The following NPSR1 variants were observed in gnomAD, a reference collection of about 807,000 sequenced individuals.
The protein encoded by NPSR1 is neuropeptide S receptor 1.
In NPSR1, 48 loss-of-function variants were observed where a neutral mutation model predicts 46.9. The ratio of observed to expected loss-of-function variants is 1.02; its 90% CI spans 0.81 to 1.30. The LOEUF (loss-of-function observed/expected upper bound fraction) is 1.30. Ranked by LOEUF, NPSR1 falls within the 50% of genes most tolerant of loss-of-function variation. NPSR1 has a pLI of 0.00. For missense variants in NPSR1, 450 were observed against 449.5 expected (o/e 1.00, Z -0.01); for synonymous variants, 176 against 168.1 (o/e 1.05, Z -0.36).
chr7:34,814,775 G>T (rs1215953826), intron 4 of NPSR1, among the ~76,000 whole-genome samples: 1 of 152,172 alleles, frequency 6.6e-6, no homozygotes, highest in East Asian at 1.9e-4. Context: ...AGGCAAACAG[G>T]GTCTGGAGTG....
chr7:34,798,788 C>T (rs1236767084), intron 3 of NPSR1, among the ~76,000 whole-genome samples: 3 of 152,012 alleles, frequency 2.0e-5, no homozygotes, highest in Admixed American at 6.6e-5. Context: ...TCAGAACACA[C>T]AGAATAGAAC....
At chr7:34,851,729 A>G (rs138491726), downstream of NPSR1, among the ~76,000 whole-genome samples, 181 of 152,338 alleles carry the variant, frequency 1.2e-3, no homozygotes, top group Non-Finnish European at 2.3e-3. Context: ...AAAATACATT[A>G]CATGCCTACC....
At chr7:34,742,095 A>G (rs974772394) in intron 2 of NPSR1, among the ~76,000 whole-genome samples, 1 of 151,746 alleles carries the variant, frequency 6.6e-6, no homozygotes, top group Non-Finnish European at 1.5e-5. Context: ...GCAGTTAGGA[A>G]CCATAAGTTT....
At chr7:34,768,810 G>C (rs1346252787) in intron 2 of NPSR1, among the ~76,000 whole-genome samples, 4 of 152,126 alleles carry the variant, frequency 2.6e-5, no homozygotes, top group Non-Finnish European at 5.9e-5. Flanking sequence ...AGAATACAGA[G>C]AGGATTCAAA....
chr7:34,744,313 A>G (rs1442270334), intron 2 of NPSR1, among the ~76,000 whole-genome samples: 1 of 152,124 alleles, frequency 6.6e-6, no homozygotes, highest in East Asian at 1.9e-4. Flanking sequence ...TTTGTCTGGT[A>G]TACCATTTTA....
Position 34,674,644 on chromosome 7 carries a change from G to A in NPSR1, c.148-9908G>A, listed in dbSNP as rs530875462. 2.8e-4 allele frequency among the ~76,000 whole-genome samples: 42 copies of A among 152,266 alleles called. 1 individual carries two copies. Among genetic ancestry groups the A allele is most frequent in the Admixed American group, 5.2e-4 (8 of 15,292 alleles). On this transcript the variant is annotated intron_variant, in intron 1 of 8. Transcript: ENST00000360581. ...GATATTTGCTCCTTCCTGTGTTAGA[G>A]ATATTCATCTTCAACATCACATACA...
chr7:34,766,517 A>G (rs945783410), intron 2 of NPSR1, among the ~76,000 whole-genome samples: 3 of 152,252 alleles, frequency 2.0e-5, no homozygotes, highest in Admixed American at 2.0e-4. Context: ...CTATTCGGCA[A>G]TAAGAACAAA....
chr7:34,712,187 A>G (rs1440147299), intron 2 of NPSR1, among the ~76,000 whole-genome samples: 1 of 152,224 alleles, frequency 6.6e-6, no homozygotes, highest in Non-Finnish European at 1.5e-5. Context: ...TAGTTTTTAT[A>G]CAATTGCTTT....
chr7:34,726,268 A>T (rs1784146807), intron 2 of NPSR1, among the ~76,000 whole-genome samples: 4 of 152,230 alleles, frequency 2.6e-5, no homozygotes, highest in Admixed American at 2.6e-4. Flanking sequence ...GATGCTCCAC[A>T]TCATATGTCA....
chr7:34,811,655 C>G lies in NPSR1; in HGVS notation c.385-115C>G. 9.1e-6 allele frequency: 6 copies of G among 660,416 alleles called. 1 individual carries two copies. The South Asian group carries it at 1.2e-4, about 14-fold the overall frequency. 40.9% of individuals were successfully genotyped at this position (660,416 alleles called of 1,614,324 possible). On this transcript the variant is annotated intron_variant, in intron 3 of 8. Coordinates refer to ENST00000360581, the MANE Select transcript of NPSR1 (RefSeq NM_207172.2). ...ATTTCCCTTCCTAATCCAACACTCA[C>G]CCCTTCTTTGGTTCACCTCTCAGAT...
chr7:34,840,743 G>A (rs1790531949), intron 6 of NPSR1, among the ~76,000 whole-genome samples: 1 of 152,212 alleles, frequency 6.6e-6, no homozygotes, highest in African/African-American at 2.4e-5. Context: ...AGAGGTCTGG[G>A]TGAAGTGACC....
chr7:34,805,313 A>T (rs1788639943), intron 3 of NPSR1, among the ~76,000 whole-genome samples: 1 of 151,886 alleles, frequency 6.6e-6, no homozygotes, highest in African/African-American at 2.4e-5. Flanking sequence ...ACAGCATGGT[A>T]TTGGTAAAAG....
At chr7:34,797,423 G>C (rs561744792) in intron 3 of NPSR1, among the ~76,000 whole-genome samples, 63 of 152,216 alleles carry the variant, frequency 4.1e-4, no homozygotes, top group African/African-American at 1.5e-3. Flanking sequence ...TCTGTGTATG[G>C]GGGACAGGGG....
At chr7:34,861,199 C>G (rs1791184967) in intron 8 of NPSR1, among the ~76,000 whole-genome samples, 1 of 151,912 alleles carries the variant, frequency 6.6e-6, no homozygotes, top group Non-Finnish European at 1.5e-5. Context: ...AGAGAATAGT[C>G]AAGATTCACC....
At chr7:34,878,128 C>G (rs7809642) in exon 9 of NPSR1, 3 of 1,607,864 alleles carry the variant, frequency 1.9e-6, no homozygotes, top group Admixed American at 3.3e-5. Context: ...CTGCCCTCAA[C>G]GAGAGAACTG....
intron 1 of NPSR1, among the ~76,000 whole-genome samples, chr7:34,666,794 A>T (rs2609224): frequency 6.6e-6 from 1 of 151,830 alleles, no homozygotes; most frequent in Non-Finnish European, 1.5e-5. Flanking sequence ...CAGAGGCTGG[A>T]TCTGCCCATG....
intron 1 of NPSR1, among the ~76,000 whole-genome samples, chr7:34,660,914 G>C (rs1366596898): frequency 6.6e-6 from 1 of 152,000 alleles, no homozygotes; most frequent in Non-Finnish European, 1.5e-5. Context: ...CTCTCTTCTT[G>C]CCACTTAATG....
intron 2 of NPSR1, among the ~76,000 whole-genome samples, chr7:34,757,350 A>G (rs922450824): frequency 6.6e-6 from 1 of 152,194 alleles, no homozygotes; most frequent in Non-Finnish European, 1.5e-5. Context: ...ATATATGTGC[A>G]CAGTAGGCAG....
At chr7:34,743,573 G>A (rs1785058317) in intron 2 of NPSR1, among the ~76,000 whole-genome samples, 1 of 151,934 alleles carries the variant, frequency 6.6e-6, no homozygotes, top group Admixed American at 6.6e-5. Flanking sequence ...CCGAGTAGCT[G>A]GGATTACAGG....
Sources: allele counts gnomAD v4.1 joint callset (sites outside exome capture counted in the v4.1 genomes callset), GRCh38; gene constraint gnomAD v4.1.1; transcripts MANE v1.5; gene names NCBI Gene and HGNC (gene_info 2026-07-23, HGNC 2026-07-21).